KREMEN1: variants seen among roughly 807,000 people sequenced by gnomAD.
The protein encoded by KREMEN1 is kremen protein 1.
KREMEN1 carries 30 observed loss-of-function variants against 46.5 expected under a neutral mutation model. That is an observed-to-expected ratio of 0.65 (90% confidence interval 0.48 to 0.88). The LOEUF (loss-of-function observed/expected upper bound fraction) is 0.88, where lower values mean the gene tolerates loss of function less well. Among genes scored for constraint, KREMEN1 ranks in the 40% least tolerant of loss-of-function variants. KREMEN1 has a pLI of 0.00. For synonymous variants in KREMEN1, 214 were observed against 230.6 expected, an observed-to-expected ratio of 0.93 and a Z score of 0.65; for missense variants, 533 against 596.9, an observed-to-expected ratio of 0.89 and a Z score of 1.11.
chr22:29,165,870 G>C (rs1471488159), intron 9 of KREMEN1, among the ~76,000 whole-genome samples: 1 of 152,216 alleles, frequency 6.6e-6, no homozygotes, highest in Non-Finnish European at 1.5e-5. Context: ...CACAGGTCAA[G>C]GGGAGCTTAG....
chr22:29,124,744 C>T (rs1202681457), intron 4 of KREMEN1, among the ~76,000 whole-genome samples: 2 of 152,076 alleles, frequency 1.3e-5, no homozygotes, highest in Non-Finnish European at 1.5e-5. Flanking sequence ...CCACCTGCCT[C>T]GGCCTCCCAA....
At chr22:29,117,515 C>A (rs552228117) in intron 3 of KREMEN1, among the ~76,000 whole-genome samples, 2 of 150,750 alleles carry the variant, frequency 1.3e-5, no homozygotes, top group Non-Finnish European at 2.9e-5. Context: ...TGCAGTGAGC[C>A]AAGATGGCAC....
chr22:29,138,838 C>T (rs759687605), intron 7 of KREMEN1, 56 bp downstream of exon 7: 9 of 1,613,148 alleles, frequency 5.6e-6, no homozygotes, highest in South Asian at 2.2e-5. Context: ...TTGAAGGTAG[C>T]GCTCTTGACA....
intron 5 of KREMEN1, among the ~76,000 whole-genome samples, chr22:29,135,207 C>T (rs1409493648): frequency 6.6e-6 from 1 of 152,174 alleles, no homozygotes. Flanking sequence ...CAATCAGGGA[C>T]CAATGGCTTT....
At chr22:29,078,614 G>A (rs975988109) in intron 1 of KREMEN1, among the ~76,000 whole-genome samples, 6 of 152,146 alleles carry the variant, frequency 3.9e-5, no homozygotes, top group African/African-American at 9.7e-5. Context: ...TAGCATAGCT[G>A]ATTATTTTGT....
At chr22:29,110,936 G>A (rs1243932651) in intron 3 of KREMEN1, among the ~76,000 whole-genome samples, 1 of 152,116 alleles carries the variant, frequency 6.6e-6, no homozygotes. Flanking sequence ...CAGCGTCTCA[G>A]ATGTACATAG....
At chr22:29,165,519 T>G (rs2039045797) in intron 9 of KREMEN1, among the ~76,000 whole-genome samples, 2 of 151,594 alleles carry the variant, frequency 1.3e-5, no homozygotes, top group African/African-American at 4.9e-5. Context: ...AGCCAGGAGG[T>G]GGGGCTCATT....
intron 5 of KREMEN1, among the ~76,000 whole-genome samples, chr22:29,133,831 T>C (rs1466614516): frequency 6.6e-6 from 1 of 152,224 alleles, no homozygotes; most frequent in Non-Finnish European, 1.5e-5. Context: ...GGCACTGCAA[T>C]TACACGTATG....
Position 29,139,634 on chromosome 22 carries a change from G to C in KREMEN1, c.1124-648G>C, listed in dbSNP as rs147586599. ...AAAAGAGTAGAAAAATTAGCTGGGC[G>C]TAGTGGCACATGCCTATAGTCTCAG... is the stretch of plus-strand genomic sequence containing the variant. On this transcript the variant is annotated intron_variant, in intron 7 of 8. Coordinates refer to ENST00000400335, the MANE Select transcript of KREMEN1 (RefSeq NM_001039570.3). Among the ~76,000 whole-genome samples the C allele has an allele frequency of 9.0e-3, 1,366 of 152,248 alleles. 14 individuals carry two copies. The highest frequency in any genetic ancestry group is 0.031 in the African/African-American group (1,303 of 41,540).
downstream of KREMEN1, among the ~76,000 whole-genome samples, chr22:29,147,360 C>T (rs1052487619): frequency 2.6e-5 from 4 of 152,244 alleles, no homozygotes; most frequent in South Asian, 2.1e-4. Flanking sequence ...AGAAGCTCCA[C>T]GTATGAGCTG....
At position 29,145,186 on chromosome 22, in the gene KREMEN1, G is replaced by A. The variant is rs888587702; in HGVS notation, c.*3074G>A. ...AAGAAACTGCTCCAGAAGAGATGAC[G>A]TGGGCTTCCAGGAGCATGGAGGAGG... On this transcript the variant is annotated 3_prime_UTR_variant, in exon 9 of 9. Transcript: ENST00000400335. The A allele has an allele frequency of 6.6e-5, 65 of 985,728 alleles. No individual in the cohort carries two copies. Among genetic ancestry groups the A allele is most frequent in the South Asian group, 1.4e-4 (3 of 21,296 alleles). 61.1% of individuals were successfully genotyped at this position (985,728 alleles called of 1,614,324 possible). A position where few individuals can be genotyped will look rare whatever the true frequency, so the allele number is the denominator to read the frequency against.
chr22:29,110,345 A>G (rs956565084), intron 3 of KREMEN1, among the ~76,000 whole-genome samples: 1 of 152,252 alleles, frequency 6.6e-6, no homozygotes, highest in Non-Finnish European at 1.5e-5. Flanking sequence ...GCATGAACTC[A>G]GAAGAAGTCC....
chr22:29,115,573 A>T (rs2145800945), intron 3 of KREMEN1, among the ~76,000 whole-genome samples: 1 of 152,340 alleles, frequency 6.6e-6, no homozygotes, highest in South Asian at 2.1e-4. Flanking sequence ...CCCTGGGAAT[A>T]CAGGGGTGTG....
chr22:29,142,910 G>T lies in KREMEN1; in HGVS notation c.*798G>T. ...CATGCCTGTAATCCCAGCACTGTGG[G>T]AGGCTGAGGCGGGCAGATCACCTGA... On this transcript the variant is annotated 3_prime_UTR_variant, in exon 9 of 9. Coordinates refer to ENST00000400335, the MANE Select transcript of KREMEN1 (RefSeq NM_001039570.3). 1.0e-6 allele frequency: 1 copy of T among 970,950 alleles called. No homozygotes were observed. Among genetic ancestry groups the T allele is most frequent in the Non-Finnish European group, 1.2e-6 (1 of 816,692 alleles). 60.1% of individuals were successfully genotyped at this position (970,950 alleles called of 1,614,324 possible).
chr22:29,110,664 T>C (rs2038133699), intron 3 of KREMEN1, among the ~76,000 whole-genome samples: 1 of 152,192 alleles, frequency 6.6e-6, no homozygotes, highest in Non-Finnish European at 1.5e-5. Flanking sequence ...GGGGTGTTGC[T>C]GTAAGACTCG....
At chr22:29,077,776 G>A (rs1885270518) in intron 1 of KREMEN1, among the ~76,000 whole-genome samples, 1 of 152,152 alleles carries the variant, frequency 6.6e-6, no homozygotes, top group African/African-American at 2.4e-5. Flanking sequence ...GTCTAGAAAA[G>A]GTGAGAAGGA....
downstream of KREMEN1, among the ~76,000 whole-genome samples, chr22:29,149,169 C>CTTTTTTTTTTTTTTT (rs557993177): frequency 2.1e-5 from 3 of 145,750 alleles, no homozygotes; most frequent in African/African-American, 7.7e-5. Flanking sequence ...ATAATGGCAC[C>CTTTTTTTTTTTTTTT]TTTTTTTTTT....
intron 1 of KREMEN1, among the ~76,000 whole-genome samples, chr22:29,092,402 CAG>C (rs2037818613): frequency 6.6e-6 from 1 of 152,118 alleles, no homozygotes; most frequent in African/African-American, 2.4e-5. Context: ...AGCACTTAGA[CAG>C]AGTTTGGCAC....
chr22:29,119,851 C>T (rs143154662), intron 3 of KREMEN1, among the ~76,000 whole-genome samples: 2 of 152,280 alleles, frequency 1.3e-5, no homozygotes, highest in Non-Finnish European at 2.9e-5. Context: ...TCTGTGAATA[C>T]GTTACCTTAG....
Sources: allele counts gnomAD v4.1 joint callset (sites outside exome capture counted in the v4.1 genomes callset), GRCh38; gene constraint gnomAD v4.1.1; transcripts MANE v1.5; gene names NCBI Gene and HGNC (gene_info 2026-07-23, HGNC 2026-07-21).